Variants in PID1 observed in about 807,000 individuals in gnomAD.
PID1 encodes the protein phosphotyrosine interaction domain containing 1, also known as PTB-containing, cubilin and LRP1-interacting protein.
In PID1, 10 loss-of-function variants were observed where a neutral mutation model predicts 19.1. The observed-to-expected ratio is 0.52, with a 90% confidence interval of 0.32 to 0.89. The LOEUF is 0.89. PID1 is among the 40% of genes least tolerant of loss of function. The probability of loss-of-function intolerance (pLI) is 0.03; values close to 1 mark genes in which losing one functional copy is unlikely to be tolerated. For missense variants in PID1, 248 were observed against 285.3 expected, an observed-to-expected ratio of 0.87 and a Z score of 0.94; for synonymous variants, 130 against 116.0, an observed-to-expected ratio of 1.12 and a Z score of -0.78.
At chr2:229,154,105 A>G (rs1690315133) in intron 2 of PID1, among the ~76,000 whole-genome samples, 1 of 152,180 alleles carries the variant, frequency 6.6e-6, no homozygotes, top group African/African-American at 2.4e-5. Flanking sequence ...GCCACTGACA[A>G]TAGCTCTTGG....
At chr2:229,224,710 C>A (rs1381569405) in intron 1 of PID1, among the ~76,000 whole-genome samples, 3 of 152,038 alleles carry the variant, frequency 2.0e-5, no homozygotes, top group African/African-American at 4.8e-5. Flanking sequence ...AGAATATCTA[C>A]ATAAACATGG....
intron 1 of PID1, among the ~76,000 whole-genome samples, chr2:229,188,997 A>G (rs1190980879): frequency 2.0e-5 from 3 of 152,194 alleles, no homozygotes; most frequent in Non-Finnish European, 2.9e-5. Flanking sequence ...ATCAAAGAGA[A>G]TAAATACATC....
chr2:229,187,173 A>G (rs574097382), intron 1 of PID1, among the ~76,000 whole-genome samples: 29 of 152,260 alleles, frequency 1.9e-4, no homozygotes, highest in Admixed American at 1.8e-3. Context: ...GGAAGTTCCA[A>G]ACTTTCCCAC....
At chr2:229,178,764 G>C (rs1690878002) in intron 1 of PID1, among the ~76,000 whole-genome samples, 1 of 149,826 alleles carries the variant, frequency 6.7e-6, no homozygotes, top group African/African-American at 2.5e-5. Flanking sequence ...CTATGTGATC[G>C]AGACTACACA....
Position 229,121,017 on chromosome 2 carries a change from C to T in PID1, c.177+34801G>A, listed in dbSNP as rs141260290. Among the ~76,000 whole-genome samples the T allele has an allele frequency of 2.6e-3, 391 of 152,264 alleles. 5 individuals carry two copies. The South Asian group carries it at 0.03, about 12-fold the overall frequency. ...GCCAAACAGGTGTCAGCATCATGCG[C>T]ATTGAACTTCCCAGCATGAAGAACT... On this transcript the variant is annotated intron_variant, in intron 2 of 2. Coordinates refer to ENST00000392055, the MANE Select transcript of PID1 (RefSeq NM_001100818.2).
chr2:229,191,673 A>C (rs1691262790), intron 1 of PID1, among the ~76,000 whole-genome samples: 1 of 152,220 alleles, frequency 6.6e-6, no homozygotes, highest in Non-Finnish European at 1.5e-5. Flanking sequence ...TAACAGGTTC[A>C]AAGCACCAGG....
At chr2:229,246,669 CA>C (rs1419051500) in intron 1 of PID1, among the ~76,000 whole-genome samples, 11 of 152,158 alleles carry the variant, frequency 7.2e-5, no homozygotes, top group South Asian at 2.1e-4. Context: ...ATTTGCTCAA[CA>C]AAACTCACTA....
chr2:229,123,959 G>A (rs1695573816), intron 2 of PID1, among the ~76,000 whole-genome samples: 2 of 152,050 alleles, frequency 1.3e-5, no homozygotes, highest in East Asian at 3.9e-4. Flanking sequence ...ATATTTTAGT[G>A]CACAAAGTAG....
At chr2:229,229,287 C>G (rs1214969715) in intron 1 of PID1, among the ~76,000 whole-genome samples, 2 of 152,156 alleles carry the variant, frequency 1.3e-5, no homozygotes, top group African/African-American at 4.8e-5. Context: ...GCTACTGTGG[C>G]CTCCCAAACT....
At chr2:229,105,517 T>A (rs529894829) in intron 2 of PID1, among the ~76,000 whole-genome samples, 1 of 152,362 alleles carries the variant, frequency 6.6e-6, no homozygotes, top group East Asian at 1.9e-4. Context: ...GCAAGGAGTG[T>A]GAACTTGACA....
At chr2:229,058,718 T>C (rs1694152723) in intron 2 of PID1, among the ~76,000 whole-genome samples, 3 of 109,680 alleles carry the variant, frequency 2.7e-5, no homozygotes, top group East Asian at 5.5e-4. Context: ...AAATTGAGGG[T>C]AATAATTTGA....
chr2:229,047,011 AAAG>A (rs573645073), intron 2 of PID1, among the ~76,000 whole-genome samples: 30 of 152,288 alleles, frequency 2.0e-4, no homozygotes, highest in African/African-American at 6.5e-4. Context: ...GCTCCCAATA[AAAG>A]AATAGGCAGT....
intron 2 of PID1, among the ~76,000 whole-genome samples, chr2:229,037,307 C>T (rs1339266634): frequency 6.6e-6 from 1 of 152,126 alleles, no homozygotes; most frequent in African/African-American, 2.4e-5. Context: ...GACCCAATAT[C>T]AAGGAATAAC....
At chr2:229,058,655 A>G (rs974017823) in intron 2 of PID1, among the ~76,000 whole-genome samples, 1 of 152,008 alleles carries the variant, frequency 6.6e-6, no homozygotes, top group African/African-American at 2.4e-5. Flanking sequence ...AAGAAACTTG[A>G]TAAGAATGCT....
rs1690419626 is a variant in PID1 at position 229,260,244 on chromosome 2, C to A, written c.30+10770G>T. ...AGGCACCAGTAGGTCAGGATAGACACAAAAATTTATAGCAGTATTATTTAT... is the reference window on the plus strand; with the variant it reads ...AGGCACCAGTAGGTCAGGATAGACAAAAAAATTTATAGCAGTATTATTTAT... On this transcript the variant is annotated intron_variant, in intron 1 of 2. Coordinates refer to ENST00000392055, the MANE Select transcript of PID1 (RefSeq NM_001100818.2). 2.0e-5 allele frequency among the ~76,000 whole-genome samples: 3 copies of A among 151,650 alleles called. No homozygotes were observed. In the South Asian group the frequency reaches 6.2e-4, roughly 32 times the overall value.
At chr2:229,137,319 A>G (rs960894038) in intron 2 of PID1, among the ~76,000 whole-genome samples, 1 of 152,236 alleles carries the variant, frequency 6.6e-6, no homozygotes, top group Non-Finnish European at 1.5e-5. Context: ...TAATTGTGAC[A>G]TGTGTGTTTT....
intron 2 of PID1, among the ~76,000 whole-genome samples, chr2:229,134,213 A>G (rs1363670047): frequency 1.4e-5 from 2 of 143,280 alleles, no homozygotes; most frequent in African/African-American, 5.1e-5. Context: ...TCTTTCAATA[A>G]CAATGTTTAC....
intron 2 of PID1, among the ~76,000 whole-genome samples, chr2:229,041,567 T>C (rs960063108): frequency 6.6e-6 from 1 of 152,190 alleles, no homozygotes; most frequent in Non-Finnish European, 1.5e-5. Context: ...GCAAGAAGTA[T>C]CAGTGGATGC....
chr2:229,116,534 G>T lies in PID1; in HGVS notation c.177+39284C>A, dbSNP rs563049165. On this transcript the variant is annotated intron_variant, in intron 2 of 2. Transcript: ENST00000392055. ...AGCAGGAGGTAACTGAATCATGGGG[G>T]TGGGTCTTTCCCGTGCTGTTCTCAT... 2.0e-5 allele frequency among the ~76,000 whole-genome samples: 3 copies of T among 152,230 alleles called. No homozygotes were observed. In the East Asian group the frequency reaches 5.8e-4, roughly 30 times the overall value.
Sources: allele counts gnomAD v4.1 joint callset (sites outside exome capture counted in the v4.1 genomes callset), GRCh38; gene constraint gnomAD v4.1.1; transcripts MANE v1.5; gene names NCBI Gene and HGNC (gene_info 2026-07-23, HGNC 2026-07-21).